GLIS3: variants seen among roughly 807,000 people sequenced by gnomAD.
The protein encoded by GLIS3 is zinc finger protein GLIS3.
Under a neutral mutation model 78.6 loss-of-function variants are expected in GLIS3, and 53 were observed. That is an observed-to-expected ratio of 0.67 (90% confidence interval 0.54 to 0.85). GLIS3 has a LOEUF of 0.85. Ranked by LOEUF, GLIS3 falls within the 40% of genes least tolerant of loss-of-function variation. GLIS3 has a pLI of 0.00. For synonymous variants in GLIS3, 684 were observed against 509.9 expected, an observed-to-expected ratio of 1.34 and a Z score of -4.60; for missense variants, 1,703 against 1,231.1, an observed-to-expected ratio of 1.38 and a Z score of -5.74.
chr9:4,465,579 T>A, the GLIS3 span, among the ~76,000 whole-genome samples: 1 of 152,054 alleles, frequency 6.6e-6, no homozygotes, highest in Non-Finnish European at 1.5e-5. Flanking sequence ...AGATAATAAA[T>A]AATAATTCTT....
intron 4 of GLIS3, among the ~76,000 whole-genome samples, chr9:4,057,903 C>A (rs1284604971): frequency 6.6e-6 from 1 of 152,044 alleles, no homozygotes; most frequent in Non-Finnish European, 1.5e-5. Context: ...ATCTTTTTCA[C>A]ATGTAAAAAA....
intron 2 of GLIS3, among the ~76,000 whole-genome samples, chr9:4,170,796 G>A (rs564578776): frequency 3.9e-5 from 6 of 152,222 alleles, no homozygotes; most frequent in Non-Finnish European, 8.8e-5. Flanking sequence ...ACATAGGCAG[G>A]AGGAATATTC....
chr9:4,162,394 G>A (rs1319780142), intron 2 of GLIS3, among the ~76,000 whole-genome samples: 5 of 152,126 alleles, frequency 3.3e-5, no homozygotes, highest in Non-Finnish European at 5.9e-5. Context: ...GTGATTCTCA[G>A]CCAGTATCCT....
rs144729926 is a variant in GLIS3 at position 4,009,385 on chromosome 9, G to A, written c.1711-72196C>T. Among the ~76,000 whole-genome samples the A allele has an allele frequency of 2.7e-3, 414 of 152,266 alleles. 3 individuals are homozygous for A. Among genetic ancestry groups the A allele is most frequent in the Middle Eastern group, 0.014 (4 of 294 alleles). ...TCCAACAGAGACACCACCAGGACAC[G>A]TGTAACAGGCGCCAGCTGCCACTCA... On this transcript the variant is annotated intron_variant, in intron 4 of 10. Coordinates refer to ENST00000381971, the MANE Select transcript of GLIS3 (RefSeq NM_001042413.2).
intron 4 of GLIS3, among the ~76,000 whole-genome samples, chr9:4,114,747 G>C (rs561530445): frequency 6.6e-6 from 1 of 152,044 alleles, no homozygotes; most frequent in African/African-American, 2.4e-5. Flanking sequence ...GGGTGGGAAT[G>C]TCTCTGCAAT....
At chr9:4,206,630 A>G (rs1196635808) in intron 2 of GLIS3, among the ~76,000 whole-genome samples, 1 of 152,250 alleles carries the variant, frequency 6.6e-6, no homozygotes, top group Non-Finnish European at 1.5e-5. Context: ...CTGAACTGGA[A>G]GAACTCTAGG....
chr9:4,426,882 T>G, the GLIS3 span, among the ~76,000 whole-genome samples: 1 of 152,212 alleles, frequency 6.6e-6, no homozygotes, highest in East Asian at 1.9e-4. Context: ...CCTGGCACAC[T>G]GAAAGCATCT....
intron 4 of GLIS3, among the ~76,000 whole-genome samples, chr9:4,112,451 G>A (rs1011997335): frequency 1.3e-5 from 2 of 152,152 alleles, no homozygotes; most frequent in Non-Finnish European, 2.9e-5. Flanking sequence ...TAGCACTAAT[G>A]TTAGAACTGG....
At chr9:4,310,175 A>G (rs1374353014) in intron 3 of GLIS3, among the ~76,000 whole-genome samples, 1 of 152,172 alleles carries the variant, frequency 6.6e-6, no homozygotes, top group Non-Finnish European at 1.5e-5. Flanking sequence ...CCAACAATGG[A>G]TGTAGTTGGT....
Position 3,880,273 on chromosome 9 carries a change from G to A in GLIS3, c.2129-678C>T, listed in dbSNP as rs1420545048. Among the ~76,000 whole-genome samples the A allele has an allele frequency of 2.0e-5, 3 of 152,224 alleles. No individual in the cohort carries two copies. In the East Asian group the frequency reaches 5.8e-4, roughly 29 times the overall value. On this transcript the variant is annotated intron_variant, in intron 7 of 10. Transcript: ENST00000381971. ...TGTTGCCCGTTATGACACAGAGAGTGAGTTACAGTCCCATTCGTATGGGCA... is the reference window on the plus strand; with the variant it reads ...TGTTGCCCGTTATGACACAGAGAGTAAGTTACAGTCCCATTCGTATGGGCA...
chr9:4,140,760 G>C (rs1408103037), intron 2 of GLIS3, among the ~76,000 whole-genome samples: 1 of 150,808 alleles, frequency 6.6e-6, no homozygotes, highest in African/African-American at 2.4e-5. Context: ...CTCAAGAGAG[G>C]TTATTATAAA....
chr9:3,868,229 A>G (rs1286181567), intron 8 of GLIS3, among the ~76,000 whole-genome samples: 1 of 152,252 alleles, frequency 6.6e-6, no homozygotes, highest in Non-Finnish European at 1.5e-5. Flanking sequence ...TGCAACCATA[A>G]GATGACACGC....
At chr9:4,090,273 G>T (rs1309318080) in intron 4 of GLIS3, among the ~76,000 whole-genome samples, 1 of 152,078 alleles carries the variant, frequency 6.6e-6, no homozygotes, top group Non-Finnish European at 1.5e-5. Context: ...CAGCCCAACA[G>T]ATTCAAACTG....
rs116937105 is a variant in GLIS3 at position 4,017,615 on chromosome 9, G to A, written c.1711-80426C>T. ...TCAGAGAGAGGCTGTGAAAGGTGGC[G>A]AGGGTTTAGACACACAGTTAAGTTT... On this transcript the variant is annotated intron_variant, in intron 4 of 10. Transcript: ENST00000381971. Among the ~76,000 whole-genome samples the A allele has an allele frequency of 4.7e-3, 717 of 152,268 alleles. 5 individuals are homozygous for A. The highest frequency in any genetic ancestry group is 6.9e-3 in the Non-Finnish European group (471 of 68,012).
At position 4,194,475 on chromosome 9, in the gene GLIS3, T is replaced by C. The variant is rs867323753; in HGVS notation, c.389-68534A>G. Among the ~76,000 whole-genome samples the C allele has an allele frequency of 9.8e-5, 15 of 152,338 alleles. 1 individual carries two copies. The Middle Eastern group carries it at 0.01, about 104-fold the overall frequency. ...AAATTATTTAAAAATTTTTCCAAGA[T>C]GGTAGATTCTCTCATCCAGATGCCT... On this transcript the variant is annotated intron_variant, in intron 2 of 10. Transcript: ENST00000381971.
intron 9 of GLIS3, among the ~76,000 whole-genome samples, chr9:3,847,519 A>T (rs1413912407): frequency 6.6e-6 from 1 of 152,232 alleles, no homozygotes; most frequent in African/African-American, 2.4e-5. Flanking sequence ...TATTCATCAA[A>T]CATAGCACAT....
At chr9:4,203,887 A>G (rs10114747) in intron 2 of GLIS3, among the ~76,000 whole-genome samples, 81,551 of 152,054 alleles carry the variant, frequency 0.54, 22,165 homozygotes, top group Middle Eastern at 0.64. Flanking sequence ...ATTCTCATTT[A>G]TAAGTAGGAG....
At chr9:4,399,179 G>T in the GLIS3 span, among the ~76,000 whole-genome samples, 2 of 152,144 alleles carry the variant, frequency 1.3e-5, no homozygotes, top group African/African-American at 4.8e-5. Flanking sequence ...CCAACACAAA[G>T]AAATGATAAA....
chr9:4,345,050 C>T (rs78806435), intron 2 of GLIS3, among the ~76,000 whole-genome samples: 3,070 of 152,262 alleles, frequency 0.02, 120 homozygotes, highest in African/African-American at 0.069. Flanking sequence ...AGTACAACCA[C>T]GAAAATGATT....
Sources: allele counts gnomAD v4.1 joint callset (sites outside exome capture counted in the v4.1 genomes callset), GRCh38; gene constraint gnomAD v4.1.1; transcripts MANE v1.5; gene names NCBI Gene and HGNC (gene_info 2026-07-23, HGNC 2026-07-21).